Variants in PRKN observed in about 807,000 individuals in gnomAD.
PRKN encodes parkin RBR E3 ubiquitin protein ligase, also known as E3 ubiquitin-protein ligase parkin.
A neutral mutation model predicts 59.5 loss-of-function variants in PRKN; 56 were observed. The ratio of observed to expected loss-of-function variants is 0.94; its 90% confidence interval spans 0.76 to 1.18. PRKN has a LOEUF of 1.18. PRKN is among the 50% of genes most tolerant of loss of function. PRKN has a pLI of 0.00. For synonymous variants in PRKN, 250 were observed against 222.1 expected (o/e 1.13, Z -1.12); for missense variants, 657 against 596.4 (o/e 1.10, Z -1.06).
intron 1 of PRKN, among the ~76,000 whole-genome samples, chr6:162,704,758 T>C (rs756207692): frequency 1.1e-4 from 16 of 152,202 alleles, no homozygotes; most frequent in African/African-American, 3.4e-4. Context: ...GAATGAGTTA[T>C]TGTAGCTAGA....
chr6:161,801,347 G>A (rs952097963), intron 6 of PRKN, among the ~76,000 whole-genome samples: 1 of 152,246 alleles, frequency 6.6e-6, no homozygotes, highest in Non-Finnish European at 1.5e-5. Flanking sequence ...CAGCGAAGAT[G>A]TGCAGAAGTC....
Position 161,360,042 on chromosome 6 carries a change from C to T in PRKN, c.1285+46G>A, listed in dbSNP as rs920265563. The T allele has an allele frequency of 2.2e-6, 3 of 1,385,232 alleles. No individual in the cohort carries two copies. Among genetic ancestry groups the T allele is most frequent in the Non-Finnish European group, 3.1e-6 (3 of 971,228 alleles). The allele number at this position is 1,385,232 out of a possible 1,614,324, so 85.8% of individuals were successfully genotyped here. A position where few individuals can be genotyped will look rare whatever the true frequency, so the allele number is the denominator to read the frequency against. ...AATCCCTGATGGGTATGATTCTCCC[C>T]CAAAGAGCACACGACATCCTCATTC... On this transcript the variant is annotated intron_variant, in intron 11 of 11. Transcript: ENST00000366898. This position sits in a 1 kb window ranked among gnomAD's most constrained non-coding sequence, Gnocchi z 5.1.
chr6:162,724,342 C>T (rs1400532677), intron 1 of PRKN, among the ~76,000 whole-genome samples: 1 of 152,184 alleles, frequency 6.6e-6, no homozygotes, highest in Non-Finnish European at 1.5e-5. Flanking sequence ...GCATTCAACA[C>T]ATCAATCACA....
At chr6:162,627,915 C>T (rs1482491057) in intron 1 of PRKN, among the ~76,000 whole-genome samples, 1 of 151,984 alleles carries the variant, frequency 6.6e-6, no homozygotes, top group Non-Finnish European at 1.5e-5. Flanking sequence ...AAAGAAAGAA[C>T]AGGAAAACAA....
At chr6:161,858,691 G>A (rs930330188) in intron 6 of PRKN, among the ~76,000 whole-genome samples, 2 of 151,836 alleles carry the variant, frequency 1.3e-5, no homozygotes, top group Non-Finnish European at 2.9e-5. Flanking sequence ...TTGGCGGTGA[G>A]AATCCTTCCT....
chr6:161,733,057 G>A (rs922277641), intron 7 of PRKN, among the ~76,000 whole-genome samples: 2 of 152,050 alleles, frequency 1.3e-5, no homozygotes, highest in African/African-American at 4.8e-5. Flanking sequence ...AAAGAAAAAC[G>A]GATTTTTATC....
intron 4 of PRKN, among the ~76,000 whole-genome samples, chr6:162,113,403 A>AT (rs1380496511): frequency 1.3e-5 from 2 of 152,198 alleles, no homozygotes; most frequent in African/African-American, 4.8e-5. Context: ...CCAGGATGCC[A>AT]TTTATTAGAA....
intron 7 of PRKN, among the ~76,000 whole-genome samples, chr6:161,674,473 T>A (rs923878539): frequency 6.6e-6 from 1 of 152,188 alleles, no homozygotes; most frequent in Non-Finnish European, 1.5e-5. Context: ...TTCCTTTATT[T>A]TAAAATGCAC....
chr6:161,692,261 A>G (rs1018924795), intron 7 of PRKN, among the ~76,000 whole-genome samples: 2 of 152,164 alleles, frequency 1.3e-5, no homozygotes, highest in Admixed American at 6.5e-5. Flanking sequence ...TTTTAAAATT[A>G]TATACCAAGA....
intron 6 of PRKN, among the ~76,000 whole-genome samples, chr6:161,849,967 C>A (rs1467473365): frequency 6.6e-6 from 1 of 152,026 alleles, no homozygotes; most frequent in Non-Finnish European, 1.5e-5. Flanking sequence ...ACCGTAAAGC[C>A]CAGCCCAGCA....
At chr6:161,737,092 G>A (rs561544503) in intron 7 of PRKN, among the ~76,000 whole-genome samples, 34 of 152,322 alleles carry the variant, frequency 2.2e-4, no homozygotes, top group African/African-American at 8.2e-4. Flanking sequence ...GTGCAATCAG[G>A]CAATGGGATG....
intron 1 of PRKN, among the ~76,000 whole-genome samples, chr6:162,458,679 T>C (rs540248238): frequency 7.1e-4 from 108 of 151,574 alleles, no homozygotes; most frequent in African/African-American, 2.5e-3. Context: ...AGCTTGTAAC[T>C]TTATCTCTTT....
rs3066554 is a variant in PRKN at position 161,678,216 on chromosome 6, C to CTTTTTTTTTTTT, written c.871+107544_871+107555dup. Reference sequence around the variant, plus strand: ...TTATGGTAATAACAATACTGAATCACTTTTTTTTTTTTTTTTTTTTTTTTT... The same window carrying CTTTTTTTTTTTT: ...TTATGGTAATAACAATACTGAATCACTTTTTTTTTTTTTTTTTTTTTTTTTTTTTTTTTTTTT... On this transcript the variant is annotated intron_variant, in intron 7 of 11. Coordinates refer to ENST00000366898, the MANE Select transcript of PRKN (RefSeq NM_004562.3). Among the ~76,000 whole-genome samples the CTTTTTTTTTTTT allele has an allele frequency of 4.0e-4, 26 of 64,946 alleles. 3 individuals are homozygous for CTTTTTTTTTTTT. The highest frequency in any genetic ancestry group is 1.2e-3 in the African/African-American group (15 of 12,688). 42.6% of individuals were successfully genotyped at this position (64,946 alleles called of 152,430 possible). A position where few individuals can be genotyped will look rare whatever the true frequency, so the allele number is the denominator to read the frequency against.
At chr6:161,881,788 A>G (rs1399131561) in intron 6 of PRKN, among the ~76,000 whole-genome samples, 1 of 152,192 alleles carries the variant, frequency 6.6e-6, no homozygotes, top group African/African-American at 2.4e-5. Context: ...AGAAAGGGCA[A>G]CTGAAAACGG....
rs554681296 is a variant in PRKN, at chr6:161,454,998, C to A, written c.1084-68121G>T. Among the ~76,000 whole-genome samples, 2 of 151,222 alleles carry A rather than the reference C, an allele frequency of 1.3e-5. No individual in the cohort carries two copies. Among genetic ancestry groups the A allele is most frequent in the Non-Finnish European group, 2.9e-5 (2 of 67,918 alleles). ...CCTGTCTCTCCTATTAGAACATAGA[C>A]TTCTTGAGACGATGGACTGTCAGTT... On this transcript the variant is annotated intron_variant, in intron 9 of 11. Coordinates refer to ENST00000366898, the MANE Select transcript of PRKN (RefSeq NM_004562.3). This position sits in a 1 kb window ranked among gnomAD's most constrained non-coding sequence, Gnocchi z 4.6.
chr6:161,787,315 G>T (rs1031734143), intron 6 of PRKN, among the ~76,000 whole-genome samples: 6 of 151,962 alleles, frequency 3.9e-5, no homozygotes, highest in Non-Finnish European at 8.8e-5. Context: ...GTAAGTAATC[G>T]GTCAACTTAA....
intron 1 of PRKN, among the ~76,000 whole-genome samples, chr6:162,653,221 G>A (rs1323796856): frequency 6.6e-6 from 1 of 152,192 alleles, no homozygotes; most frequent in Admixed American, 6.5e-5. Context: ...GAGGTCCAAA[G>A]CAGTTTCAAC....
intron 4 of PRKN, among the ~76,000 whole-genome samples, chr6:162,175,975 T>C (rs1353481929): frequency 6.6e-6 from 1 of 152,228 alleles, no homozygotes. Context: ...GCTCAATGTT[T>C]TAATTTTAAA....
chr6:161,415,592 G>GCCACCCC (rs1562432936), intron 9 of PRKN, among the ~76,000 whole-genome samples: 2 of 36,252 alleles, frequency 5.5e-5, no homozygotes, highest in South Asian at 1.0e-3. Flanking sequence ...AGGAAATGTC[G>GCCACCCC]CCCCCCCCCC....
Sources: gnomAD v4.1 joint callset for allele counts (sites outside exome capture counted in the v4.1 genomes callset) on GRCh38, gnomAD v4.1.1 for gene constraint, Gnocchi (gnomAD v3.1) non-coding constraint, MANE v1.5 for transcripts, NCBI Gene and HGNC (gene_info 2026-07-23, HGNC 2026-07-21) for gene names.